XKR4: variants seen among roughly 807,000 people sequenced by gnomAD.
XKR4 encodes the protein XK-related protein 4.
A neutral mutation model predicts 53.9 loss-of-function variants in XKR4; 12 were observed. That is an observed-to-expected ratio of 0.22 (90% CI 0.14 to 0.36). The LOEUF is 0.36. Among genes scored for constraint, XKR4 ranks in the 10% least tolerant of loss-of-function variants. The probability of loss-of-function intolerance (pLI) is 1.00; values close to 1 mark genes in which losing one functional copy is unlikely to be tolerated. For missense variants in XKR4, 799 were observed against 859.5 expected (o/e 0.93, Z 0.88); for synonymous variants, 354 against 362.4 (o/e 0.98, Z 0.26).
chr8:55,454,234 C>G, intron 2 of XKR4: 1 of 1,147,006 alleles, frequency 8.7e-7, no homozygotes, highest in South Asian at 1.2e-5. Context: ...GGATGGTCAC[C>G]GTCTCTCCAT....
chr8:55,272,785 A>G, intron 1 of XKR4: 1 of 381,372 alleles, frequency 2.6e-6, no homozygotes, highest in Non-Finnish European at 5.1e-6. Flanking sequence ...CCATTGTGGC[A>G]AATAGTTAAT....
intron 1 of XKR4, among the ~76,000 whole-genome samples, chr8:55,153,891 C>A (rs1436710115): frequency 6.6e-6 from 1 of 152,122 alleles, no homozygotes; most frequent in Non-Finnish European, 1.5e-5. Flanking sequence ...GACATACAGG[C>A]AAATCAAAGA....
At position 55,357,841 on chromosome 8, in the gene XKR4, A is replaced by G. The variant is rs1468649691; in HGVS notation, c.970A>G (p.Ile324Val). The change falls in exon 2 of 3, where the codon ATT becomes GTT. Residue 324 changes from isoleucine to valine, a missense_variant. By Grantham distance (29) the Ile-to-Val change is conservative. This residue lies in a region of XKR4 where 476 missense variants were observed against 505.4 expected (regional missense o/e 0.94). Transcript: ENST00000327381. ...TCCACAGCTGGTCCTGCAGCTCTGC[A>G]TTATCGTACAGACTCATAGCTTACA... ...SAPQLVLQLC[I>V]IVQTHSLQAL... is the part of the protein sequence containing the mutation. 1 of 1,614,012 alleles carries G rather than the reference A, an allele frequency of 6.2e-7. No individual in the cohort carries two copies. Among genetic ancestry groups the G allele is most frequent in the Non-Finnish European group, 8.5e-7 (1 of 1,180,022 alleles).
chr8:55,213,856 CTTTTTTTTTTTTTTTTT>C (rs11433893), intron 1 of XKR4, among the ~76,000 whole-genome samples: 1 of 82,346 alleles, frequency 1.2e-5, no homozygotes, highest in Admixed American at 1.7e-4. Flanking sequence ...TTCTTTCTTT[CTTTTTTTTTTTTTTTTT>C]TTTTTTTTTT....
At chr8:55,152,524 T>A (rs1352623753) in intron 1 of XKR4, among the ~76,000 whole-genome samples, 1 of 152,208 alleles carries the variant, frequency 6.6e-6, no homozygotes, top group African/African-American at 2.4e-5. Context: ...GGTCAGTCAT[T>A]TACATTCTAA....
intron 1 of XKR4, among the ~76,000 whole-genome samples, chr8:55,139,208 G>T (rs1292691347): frequency 6.6e-6 from 1 of 152,180 alleles, no homozygotes; most frequent in East Asian, 1.9e-4. Flanking sequence ...CCCACGTGCT[G>T]ATGAGAAGGG....
At position 55,530,505 on chromosome 8, in the gene XKR4, C is replaced by G. The variant is rs907477310; in HGVS notation, c.*6278C>G. ...GCATGTCTGAAGGTCTGCAAGATGA[C>G]AGAGTTGTAACCCATTCAATGATAT... On this transcript the variant is annotated 3_prime_UTR_variant, in exon 3 of 3. Coordinates refer to ENST00000327381, the MANE Select transcript of XKR4 (RefSeq NM_052898.2). 1.3e-5 allele frequency: 2 copies of G among 152,306 alleles called. No individual in the cohort carries two copies. The highest frequency in any genetic ancestry group is 3.9e-4 in the East Asian group (2 of 5,184). 9.4% of individuals were successfully genotyped at this position (152,306 alleles called of 1,614,324 possible).
At chr8:55,106,076 A>G (rs908581345) in intron 1 of XKR4, among the ~76,000 whole-genome samples, 3 of 152,200 alleles carry the variant, frequency 2.0e-5, no homozygotes, top group Non-Finnish European at 4.4e-5. Context: ...CAAAGCACAG[A>G]GGTCATTATT....
At chr8:55,449,565 C>T in intron 2 of XKR4, 1 of 1,472,922 alleles carries the variant, frequency 6.8e-7, no homozygotes, top group South Asian at 1.1e-5. Flanking sequence ...GCTGAGGGCA[C>T]GTCCTGGGCA....
chr8:55,419,214 G>T (rs1003183856), intron 2 of XKR4, among the ~76,000 whole-genome samples: 2 of 152,066 alleles, frequency 1.3e-5, no homozygotes, highest in African/African-American at 4.8e-5. Context: ...GTGAAACCCC[G>T]TCTCTACTAA....
At chr8:55,118,105 C>A (rs577218693) in intron 1 of XKR4, among the ~76,000 whole-genome samples, 2 of 152,096 alleles carry the variant, frequency 1.3e-5, no homozygotes, top group East Asian at 1.9e-4. Context: ...ATTTTATTGA[C>A]CTGGGCTAGA....
At chr8:55,428,795 G>A (rs1013065251) in intron 2 of XKR4, among the ~76,000 whole-genome samples, 3 of 152,172 alleles carry the variant, frequency 2.0e-5, no homozygotes, top group African/African-American at 7.2e-5. Context: ...AGTAAATAAG[G>A]AGACATACCA....
intron 1 of XKR4, among the ~76,000 whole-genome samples, chr8:55,172,258 C>T (rs1244841575): frequency 1.3e-5 from 2 of 151,742 alleles, no homozygotes; most frequent in African/African-American, 4.8e-5. Flanking sequence ...GGATATAGGC[C>T]TTAGGAAGCT....
At chr8:55,165,115 G>C (rs931892245) in intron 1 of XKR4, among the ~76,000 whole-genome samples, 11 of 152,188 alleles carry the variant, frequency 7.2e-5, no homozygotes, top group African/African-American at 2.4e-5. Context: ...CAGTATGCTT[G>C]TTCCTCCCAA....
At chr8:55,335,680 C>T (rs190411400) in intron 1 of XKR4, among the ~76,000 whole-genome samples, 1 of 152,122 alleles carries the variant, frequency 6.6e-6, no homozygotes, top group Admixed American at 6.5e-5. Context: ...TCCAAATGTC[C>T]TACAAAGGGT....
At chr8:55,301,777 G>C (rs930501226) in intron 1 of XKR4, among the ~76,000 whole-genome samples, 1 of 152,116 alleles carries the variant, frequency 6.6e-6, no homozygotes, top group East Asian at 1.9e-4. Context: ...TGTGTCTTTT[G>C]GCTGCATAAA....
chr8:55,269,607 G>T (rs546046239), intron 1 of XKR4, among the ~76,000 whole-genome samples: 1 of 152,270 alleles, frequency 6.6e-6, no homozygotes, highest in South Asian at 2.1e-4. Context: ...ATAAAGAGTT[G>T]TCATGCATAC....
intron 1 of XKR4, among the ~76,000 whole-genome samples, chr8:55,231,071 G>C (rs998020701): frequency 6.6e-6 from 1 of 152,182 alleles, no homozygotes; most frequent in African/African-American, 2.4e-5. Context: ...GTTCGAAACT[G>C]ACGTTAATGA....
At chr8:55,337,986 C>G (rs1803487123) in intron 1 of XKR4, among the ~76,000 whole-genome samples, 1 of 152,170 alleles carries the variant, frequency 6.6e-6, no homozygotes, top group African/African-American at 2.4e-5. Flanking sequence ...CCCATATTGT[C>G]TCTTGCCTAA....
Sources: gnomAD v4.1 joint callset for allele counts (sites outside exome capture counted in the v4.1 genomes callset) on GRCh38, gnomAD v4.1.1 for gene constraint, gnomAD v4.1.1 regional missense constraint, MANE v1.5 for transcripts, NCBI Gene and HGNC (gene_info 2026-07-23, HGNC 2026-07-21) for gene names.